Variants in SPECC1 observed in about 807,000 individuals in gnomAD.
SPECC1 encodes the protein sperm antigen with calponin homology and coiled-coil domains 1.
In SPECC1, 62 loss-of-function variants were observed where a neutral mutation model predicts 104.1. The ratio of observed to expected loss-of-function variants is 0.60; its 90% confidence interval spans 0.49 to 0.74. SPECC1 has a LOEUF of 0.74. Ranked by LOEUF, SPECC1 falls within the 30% of genes least tolerant of loss-of-function variation. The pLI, the probability that SPECC1 is intolerant of heterozygous loss-of-function variation, is 0.00. For synonymous variants in SPECC1, 513 were observed against 501.6 expected (o/e 1.02, Z -0.30); for missense variants, 1,306 against 1,310.5 (o/e 1.00, Z 0.05).
intron 12 of SPECC1, among the ~76,000 whole-genome samples, chr17:20,291,359 T>C (rs1054021190): frequency 1.3e-5 from 2 of 152,220 alleles, no homozygotes; most frequent in African/African-American, 4.8e-5. Flanking sequence ...AAATGGGACA[T>C]GTGCTTCAGA....
At chr17:20,027,569 C>G (rs2044645084) in intron 1 of SPECC1, among the ~76,000 whole-genome samples, 1 of 152,058 alleles carries the variant, frequency 6.6e-6, no homozygotes. Flanking sequence ...GTCTTACATT[C>G]AAGTCTTTAA....
chr17:20,026,124 GA>G (rs2044590256), intron 1 of SPECC1, among the ~76,000 whole-genome samples: 1 of 151,058 alleles, frequency 6.6e-6, no homozygotes, highest in African/African-American at 2.4e-5. Context: ...ATATTTATCA[GA>G]TATATATAAT....
chr17:20,226,092 A>G (rs2038186570), intron 4 of SPECC1, among the ~76,000 whole-genome samples: 1 of 152,234 alleles, frequency 6.6e-6, no homozygotes, highest in African/African-American at 2.4e-5. Context: ...CATTTCATAC[A>G]AAGAAACCCC....
At chr17:20,090,526 C>G (rs1204093327) in intron 1 of SPECC1, among the ~76,000 whole-genome samples, 1 of 151,578 alleles carries the variant, frequency 6.6e-6, no homozygotes, top group East Asian at 1.9e-4. Context: ...ATGAAAGTCT[C>G]TGGTTCCCTC....
chr17:20,166,514 T>G (rs1314592259), intron 3 of SPECC1, among the ~76,000 whole-genome samples: 2 of 152,122 alleles, frequency 1.3e-5, no homozygotes, highest in African/African-American at 4.8e-5. Context: ...TATAGATCAT[T>G]TAGAAAAATA....
chr17:20,028,745 G>A (rs2044696678), intron 1 of SPECC1, among the ~76,000 whole-genome samples: 1 of 150,566 alleles, frequency 6.6e-6, no homozygotes, highest in Admixed American at 6.7e-5. Context: ...AATTTCAACA[G>A]TGAAGTCATC....
At chr17:20,112,034 A>T (rs1259415840) in intron 3 of SPECC1, 7 of 769,448 alleles carry the variant, frequency 9.1e-6, no homozygotes, top group Non-Finnish European at 1.7e-5. Flanking sequence ...AGAGCCATTT[A>T]TTGATCCTGA....
At chr17:20,208,347 AT>A (rs2036917929) in intron 4 of SPECC1, among the ~76,000 whole-genome samples, 1 of 152,206 alleles carries the variant, frequency 6.6e-6, no homozygotes, top group African/African-American at 2.4e-5. Flanking sequence ...ACAGAGACTG[AT>A]TTGTAATTGC....
At chr17:20,068,693 G>A (rs2046443872) in intron 1 of SPECC1, among the ~76,000 whole-genome samples, 3 of 152,198 alleles carry the variant, frequency 2.0e-5, no homozygotes, top group Admixed American at 1.3e-4. Flanking sequence ...TCGATGTGGA[G>A]TGGCATCTCC....
At chr17:20,058,835 C>CTTTTTTTTTT (rs58811372) in intron 1 of SPECC1, among the ~76,000 whole-genome samples, 85 of 103,542 alleles carry the variant, frequency 8.2e-4, no homozygotes, top group Non-Finnish European at 1.0e-3. Flanking sequence ...CACTTTATTT[C>CTTTTTTTTTT]TTTTTTTTTT....
chr17:20,120,930 C>T (rs1266414375), intron 3 of SPECC1, among the ~76,000 whole-genome samples: 1 of 152,132 alleles, frequency 6.6e-6, no homozygotes, highest in Non-Finnish European at 1.5e-5. Context: ...CGCCAACTTG[C>T]CATCTGTCAT....
At chr17:20,086,998 T>A (rs909480560) in intron 1 of SPECC1, 15 of 152,156 alleles carry the variant, frequency 9.9e-5, no homozygotes, top group African/African-American at 3.6e-4. Flanking sequence ...CCGCTTGGCT[T>A]AGGGGCCCCT....
chr17:20,220,333 T>TCAA (rs2037795101), intron 4 of SPECC1, among the ~76,000 whole-genome samples: 1 of 152,152 alleles, frequency 6.6e-6, no homozygotes, highest in Non-Finnish European at 1.5e-5. Flanking sequence ...TGTGTGTGTG[T>TCAA]TTTCTTCCAT....
At chr17:20,294,107 A>G (rs1050835864) in intron 12 of SPECC1, among the ~76,000 whole-genome samples, 2 of 152,020 alleles carry the variant, frequency 1.3e-5, no homozygotes, top group Non-Finnish European at 2.9e-5. Flanking sequence ...TCAGCCTCCC[A>G]AGTAGCTGGG....
Position 20,205,644 on chromosome 17 carries a change from T to A in SPECC1, c.1595T>A (p.Met532Lys), listed in dbSNP as rs1302869487. Residue 532 changes from methionine to lysine, a missense_variant, in exon 4 of 15, where the codon ATG becomes AAG. Physicochemically the swap from Met to Lys is moderately conservative, Grantham distance 95. Transcript: ENST00000395527. ...GAACTGGAACGGCATAATAATAACA[T>A]GATGGCCAAAACTTTGGAAGAGTGT... ...FLELERHNNN[M>K]MAKTLEECRV... The A allele has an allele frequency of 6.2e-7, 1 of 1,614,082 alleles. No individual in the cohort carries two copies. Among genetic ancestry groups the A allele is most frequent in the Non-Finnish European group, 8.5e-7 (1 of 1,179,998 alleles).
At chr17:20,105,866 G>C (rs1006154556) in intron 2 of SPECC1, among the ~76,000 whole-genome samples, 1 of 152,188 alleles carries the variant, frequency 6.6e-6, no homozygotes, top group African/African-American at 2.4e-5. Context: ...CTCTGGGGTG[G>C]TGGCTGGGGA....
chr17:20,160,350 G>A lies in SPECC1; in HGVS notation c.284-43983G>A, dbSNP rs149811316. On this transcript the variant is annotated intron_variant, in intron 3 of 14. Coordinates refer to ENST00000395527, the MANE Select transcript of SPECC1 (RefSeq NM_001243439.2). ...GCCAGCAGTCGGGAGAGGAGAAGGC[G>A]TGTGGAGGACCCTGCCCGAGGTTTT... Among the ~76,000 whole-genome samples, 244 of 152,212 alleles carry A rather than the reference G, an allele frequency of 1.6e-3. 1 individual carries two copies. Among genetic ancestry groups the A allele is most frequent in the African/African-American group, 5.7e-3 (238 of 41,524 alleles).
chr17:20,047,021 G>A (rs1043136608), intron 1 of SPECC1, among the ~76,000 whole-genome samples: 1 of 152,176 alleles, frequency 6.6e-6, no homozygotes, highest in Non-Finnish European at 1.5e-5. Flanking sequence ...AGCCGGGCGA[G>A]AGATGTTGGT....
chr17:20,206,771 A>G (rs2036811558), intron 4 of SPECC1, among the ~76,000 whole-genome samples: 1 of 152,218 alleles, frequency 6.6e-6, no homozygotes. Flanking sequence ...CAACACATTC[A>G]GCCAGATTGC....
Sources: gnomAD v4.1 joint callset for allele counts (sites outside exome capture counted in the v4.1 genomes callset) on GRCh38, gnomAD v4.1.1 for gene constraint, MANE v1.5 for transcripts, NCBI Gene and HGNC (gene_info 2026-07-23, HGNC 2026-07-21) for gene names.